LRRIQ3: variants seen among roughly 807,000 people sequenced by gnomAD.
LRRIQ3 encodes the protein leucine rich repeats and IQ motif containing 3.
LRRIQ3 carries 75 observed loss-of-function variants against 59.3 expected under a neutral mutation model. The ratio of observed to expected loss-of-function variants is 1.26; its 90% CI spans 1.05 to 1.53. The LOEUF (loss-of-function observed/expected upper bound fraction) is 1.53. LRRIQ3 is among the 40% of genes most tolerant of loss of function. The pLI is 0.00. For missense variants in LRRIQ3, 831 were observed against 710.0 expected (o/e 1.17, Z -1.94); for synonymous variants, 250 against 231.3 (o/e 1.08, Z -0.73).
intron 5 of LRRIQ3, among the ~76,000 whole-genome samples, chr1:74,089,639 A>G (rs1261960825): frequency 1.3e-5 from 2 of 152,074 alleles, no homozygotes; most frequent in Non-Finnish European, 2.9e-5. Context: ...CCAAGAATAG[A>G]CAAATTAATG....
chr1:74,027,582 A>G (rs1653557459), intron 7 of LRRIQ3, among the ~76,000 whole-genome samples: 1 of 152,098 alleles, frequency 6.6e-6, no homozygotes, highest in Non-Finnish European at 1.5e-5. Context: ...TTGTTCTTGG[A>G]CTTCCAACCT....
At chr1:74,141,360 A>T (rs112344885) in intron 4 of LRRIQ3, among the ~76,000 whole-genome samples, 9 of 151,980 alleles carry the variant, frequency 5.9e-5, no homozygotes, top group African/African-American at 2.2e-4. Flanking sequence ...ATAAGCATGG[A>T]TAGATGGCAA....
At chr1:74,034,606 T>C (rs1385324143) in intron 7 of LRRIQ3, among the ~76,000 whole-genome samples, 1 of 147,896 alleles carries the variant, frequency 6.8e-6, no homozygotes, top group Non-Finnish European at 1.5e-5. Context: ...TTAAAATAAG[T>C]TATAGGAAAT....
At chr1:74,195,780 A>G (rs1651076330) in intron 1 of LRRIQ3, among the ~76,000 whole-genome samples, 1 of 152,174 alleles carries the variant, frequency 6.6e-6, no homozygotes, top group Admixed American at 6.5e-5. Flanking sequence ...CTGGATTGAT[A>G]TATTTTACTC....
intron 7 of LRRIQ3, among the ~76,000 whole-genome samples, chr1:74,038,078 G>C (rs1653926820): frequency 6.6e-6 from 1 of 152,198 alleles, no homozygotes; most frequent in African/African-American, 2.4e-5. Flanking sequence ...GGCGGGTATG[G>C]GGCAGCAGCC....
chr1:74,085,882 T>C (rs1340710369), intron 5 of LRRIQ3, among the ~76,000 whole-genome samples: 1 of 152,020 alleles, frequency 6.6e-6, no homozygotes, highest in Non-Finnish European at 1.5e-5. Flanking sequence ...TCAAACACAG[T>C]TAATTCTAAC....
At chr1:74,124,230 G>A (rs979733740) in intron 4 of LRRIQ3, among the ~76,000 whole-genome samples, 1 of 151,706 alleles carries the variant, frequency 6.6e-6, no homozygotes, top group Admixed American at 6.6e-5. Context: ...TTTTCCTATA[G>A]AGTTGTTTGA....
At chr1:74,070,531 C>T (rs1315234640) in intron 6 of LRRIQ3, among the ~76,000 whole-genome samples, 2 of 151,986 alleles carry the variant, frequency 1.3e-5, no homozygotes, top group African/African-American at 4.8e-5. Context: ...GGGCACTATG[C>T]TTACTACCTG....
At chr1:74,164,208 G>T (rs1051736219) in intron 3 of LRRIQ3, among the ~76,000 whole-genome samples, 1 of 151,374 alleles carries the variant, frequency 6.6e-6, no homozygotes. Context: ...GCTATAGGCT[G>T]AATCGTTTCC....
intron 7 of LRRIQ3, among the ~76,000 whole-genome samples, chr1:74,037,914 C>T (rs966394530): frequency 6.6e-6 from 1 of 152,184 alleles, no homozygotes; most frequent in African/African-American, 2.4e-5. Context: ...AGATTCTCAA[C>T]AGCCACTCAA....
chr1:74,030,089 A>G (rs1021887149), intron 7 of LRRIQ3, among the ~76,000 whole-genome samples: 4 of 152,054 alleles, frequency 2.6e-5, no homozygotes, highest in Non-Finnish European at 5.9e-5. Flanking sequence ...CTTCAAGGAG[A>G]ACTACAAACC....
intron 4 of LRRIQ3, among the ~76,000 whole-genome samples, chr1:74,119,762 C>T (rs1646826516): frequency 6.6e-6 from 1 of 152,070 alleles, no homozygotes; most frequent in Non-Finnish European, 1.5e-5. Context: ...TTTTTAGGGG[C>T]CCTTGTTATT....
At chr1:74,031,145 C>T (rs917208252) in intron 7 of LRRIQ3, among the ~76,000 whole-genome samples, 26 of 152,124 alleles carry the variant, frequency 1.7e-4, no homozygotes, top group African/African-American at 6.3e-4. Context: ...GAAATAGGAA[C>T]ACTTTTACAT....
chr1:74,192,993 T>A (rs1281843108), intron 1 of LRRIQ3, among the ~76,000 whole-genome samples: 2 of 152,092 alleles, frequency 1.3e-5, no homozygotes, highest in Non-Finnish European at 2.9e-5. Context: ...GTCCCCTGAA[T>A]CATATCATTG....
At chr1:74,189,038 A>G (rs1166509222) in intron 1 of LRRIQ3, among the ~76,000 whole-genome samples, 2 of 152,172 alleles carry the variant, frequency 1.3e-5, no homozygotes. Flanking sequence ...TGAAGTAAGC[A>G]GTTCTCCAAC....
chr1:74,146,089 C>G (rs1647548681), intron 4 of LRRIQ3, among the ~76,000 whole-genome samples: 2 of 152,026 alleles, frequency 1.3e-5, no homozygotes, highest in South Asian at 4.1e-4. Flanking sequence ...GTGGCCTAGG[C>G]TACAAATACG....
intron 5 of LRRIQ3, among the ~76,000 whole-genome samples, chr1:74,092,553 G>T (rs1434174924): frequency 6.6e-6 from 1 of 151,960 alleles, no homozygotes; most frequent in Non-Finnish European, 1.5e-5. Context: ...CATGCTGACT[G>T]AGTGTGTTGT....
intron 3 of LRRIQ3, among the ~76,000 whole-genome samples, chr1:74,162,373 G>C (rs1221287547): frequency 6.6e-6 from 1 of 151,700 alleles, no homozygotes; most frequent in Non-Finnish European, 1.5e-5. Context: ...TATAGTAAAG[G>C]CTTAGCAAAG....
intron 7 of LRRIQ3, among the ~76,000 whole-genome samples, chr1:74,031,451 T>C (rs1210033813): frequency 1.3e-5 from 2 of 152,158 alleles, no homozygotes; most frequent in Non-Finnish European, 1.5e-5. Context: ...GATGAGTTCA[T>C]GTCCTTTGTA....
Sources: gnomAD v4.1 joint callset for allele counts (sites outside exome capture counted in the v4.1 genomes callset) on GRCh38, gnomAD v4.1.1 for gene constraint, MANE v1.5 for transcripts, NCBI Gene and HGNC (gene_info 2026-07-23, HGNC 2026-07-21) for gene names.